The following NLGN1 variants were observed in gnomAD, a reference collection of about 807,000 sequenced individuals.
NLGN1 encodes neuroligin 1.
In NLGN1, 12 loss-of-function variants were observed where a neutral mutation model predicts 65.5. The observed-to-expected ratio is 0.18, with a 90% CI of 0.12 to 0.30. NLGN1 has a LOEUF of 0.30. Ranked by LOEUF, NLGN1 falls within the 10% of genes least tolerant of loss-of-function variation. The pLI is 1.00. For synonymous variants in NLGN1, 350 were observed against 359.5 expected (o/e 0.97, Z 0.30); for missense variants, 750 against 1,007.1 (o/e 0.74, Z 3.46).
chr3:173,953,698 G>A (rs1308155069), intron 4 of NLGN1, among the ~76,000 whole-genome samples: 1 of 152,042 alleles, frequency 6.6e-6, no homozygotes, highest in Admixed American at 6.6e-5. Flanking sequence ...GGGACTACAG[G>A]CATGCACCAC....
intron 3 of NLGN1, among the ~76,000 whole-genome samples, chr3:173,719,796 G>A (rs1394119107): frequency 1.4e-4 from 22 of 152,056 alleles, no homozygotes; most frequent in Non-Finnish European, 5.9e-5. Flanking sequence ...CAAACTGGCT[G>A]TAGATTTTGA....
intron 2 of NLGN1, among the ~76,000 whole-genome samples, chr3:173,493,079 T>A (rs1352706192): frequency 6.6e-6 from 1 of 151,852 alleles, no homozygotes; most frequent in Non-Finnish European, 1.5e-5. Context: ...TTATACATCA[T>A]ACTTTGGATT....
chr3:173,992,813 CAG>C (rs1301958770), intron 4 of NLGN1, among the ~76,000 whole-genome samples: 2 of 152,174 alleles, frequency 1.3e-5, no homozygotes, highest in Admixed American at 1.3e-4. Context: ...ATATTTATTA[CAG>C]ACTCTTATGC....
intron 4 of NLGN1, among the ~76,000 whole-genome samples, chr3:174,084,474 G>A (rs1742875345): frequency 6.6e-6 from 1 of 151,940 alleles, no homozygotes; most frequent in Non-Finnish European, 1.5e-5. Flanking sequence ...TGAAAAATGA[G>A]GAAGAAAAAT....
At chr3:173,894,622 T>G (rs1362710593) in intron 4 of NLGN1, among the ~76,000 whole-genome samples, 1 of 138,470 alleles carries the variant, frequency 7.2e-6, no homozygotes, top group Admixed American at 7.5e-5. Flanking sequence ...TCTTTTCTTT[T>G]TTTTCTTTTT....
intron 2 of NLGN1, among the ~76,000 whole-genome samples, chr3:173,467,905 A>G (rs908060688): frequency 6.6e-5 from 10 of 152,140 alleles, no homozygotes; most frequent in African/African-American, 2.4e-4. Context: ...GACCACAGGC[A>G]ATCTAAGGCA....
Position 173,580,002 on chromosome 3 carries a change from G to A in NLGN1, c.-320-24277G>A, listed in dbSNP as rs377750998. On this transcript the variant is annotated intron_variant, in intron 2 of 6. Coordinates refer to ENST00000457714, the Ensembl canonical transcript of NLGN1. ...GTTTATGGGGTACATGAAATATTTC[G>A]GTTATTTCTTCTTTTTCAGACACTG... Among the ~76,000 whole-genome samples, 14 of 151,830 alleles carry A rather than the reference G, an allele frequency of 9.2e-5. No homozygotes were observed. In the East Asian group the frequency reaches 9.7e-4, roughly 10 times the overall value.
chr3:173,959,855 T>C (rs1198906388), intron 4 of NLGN1, among the ~76,000 whole-genome samples: 1 of 152,170 alleles, frequency 6.6e-6, no homozygotes, highest in Non-Finnish European at 1.5e-5. Context: ...TGGAAAACTT[T>C]AAGGAAATTG....
intron 3 of NLGN1, among the ~76,000 whole-genome samples, chr3:173,621,879 G>T (rs1248406349): frequency 6.6e-6 from 1 of 151,988 alleles, no homozygotes; most frequent in Non-Finnish European, 1.5e-5. Context: ...AATTGATCAT[G>T]GGAATGAATT....
At chr3:174,026,227 A>G (rs1728801263) in intron 4 of NLGN1, among the ~76,000 whole-genome samples, 1 of 152,136 alleles carries the variant, frequency 6.6e-6, no homozygotes, top group African/African-American at 2.4e-5. Flanking sequence ...CATGGGCTCA[A>G]GCGATCCTTC....
In NLGN1 at chr3:174,232,016, CTG is replaced by C. The variant is rs772324180; in HGVS notation, c.647-43296_647-43295del. On this transcript the variant is annotated intron_variant, in intron 4 of 6. Transcript: ENST00000457714. The stretch of plus-strand genomic sequence containing the variant: ...CCGGAATAATGAAGGAGCCAAGAAA[CTG>C]TGGGAGCTTTCATGCGCGTCTGTGT... Among the ~76,000 whole-genome samples the C allele has an allele frequency of 1.2e-4, 18 of 152,178 alleles. No individual in the cohort carries two copies. In the South Asian group the frequency reaches 3.3e-3, roughly 28 times the overall value.
chr3:174,120,254 G>A (rs1008255596), intron 4 of NLGN1, among the ~76,000 whole-genome samples: 19 of 152,056 alleles, frequency 1.2e-4, no homozygotes, highest in African/African-American at 4.1e-4. Context: ...TTGGGAGGCC[G>A]AGGCAGGCAG....
Position 174,280,991 on chromosome 3 carries a change from T to C in NLGN1, c.2160T>C (p.Asn720=). Reference sequence around the variant, plus strand: ...GCAGCCCTCAGCGCACTACTACCAATGATCTAACCCATGCACAAGAAGAGG... The same window carrying C: ...GCAGCCCTCAGCGCACTACTACCAACGATCTAACCCATGCACAAGAAGAGG... Residue 720 remains asparagine (N), a synonymous_variant, in exon 7 of 7, where the codon AAT becomes AAC. Transcript: ENST00000457714. This position sits in a 1 kb window ranked among gnomAD's most constrained non-coding sequence, Gnocchi z 4.9. 6.2e-7 allele frequency: 1 copy of C among 1,613,332 alleles called. No individual in the cohort carries two copies. The highest frequency in any genetic ancestry group is 8.5e-7 in the Non-Finnish European group (1 of 1,179,574).
At chr3:174,051,294 T>C (rs1005233872) in intron 4 of NLGN1, among the ~76,000 whole-genome samples, 3 of 152,062 alleles carry the variant, frequency 2.0e-5, no homozygotes, top group Admixed American at 2.0e-4. Flanking sequence ...GTAGGTTCAA[T>C]TTCATAGTCC....
chr3:173,505,143 C>A (rs945179870), intron 2 of NLGN1, among the ~76,000 whole-genome samples: 1 of 152,020 alleles, frequency 6.6e-6, no homozygotes, highest in Non-Finnish European at 1.5e-5. Context: ...TCAACCATTG[C>A]TTGAGTCAGG....
intron 4 of NLGN1, among the ~76,000 whole-genome samples, chr3:174,245,395 C>A (rs939935074): frequency 3.9e-5 from 6 of 152,094 alleles, no homozygotes; most frequent in Non-Finnish European, 5.9e-5. Context: ...TACTGTGTAT[C>A]CTACTTTACC....
At chr3:174,289,943 GTATATATATGTGTA>G (rs1553995070), downstream of NLGN1, among the ~76,000 whole-genome samples, 4 of 69,952 alleles carry the variant, frequency 5.7e-5, no homozygotes, top group Admixed American at 1.4e-4. Flanking sequence ...ATATATGTAT[GTATATATATGTGTA>G]TATATATATA....
chr3:174,041,178 AT>A (rs538312682), intron 4 of NLGN1, among the ~76,000 whole-genome samples: 106 of 152,018 alleles, frequency 7.0e-4, no homozygotes, highest in African/African-American at 2.4e-3. Context: ...CACTGTGTGG[AT>A]TTTTTTTAAA....
In NLGN1 at chr3:173,973,916, A is replaced by G. The variant is rs541735287; in HGVS notation, c.646+166084A>G. ...CTGAAAATATGTAATAAAATACCCT[A>G]ATGACTACACCTTGAGAACTAAACC... On this transcript the variant is annotated intron_variant, in intron 4 of 6. Transcript: ENST00000457714. Among the ~76,000 whole-genome samples the G allele has an allele frequency of 4.6e-5, 7 of 152,110 alleles. No homozygotes were observed. In the East Asian group the frequency reaches 1.4e-3, roughly 29 times the overall value.
Sources: gnomAD v4.1 joint callset for allele counts (sites outside exome capture counted in the v4.1 genomes callset) on GRCh38, gnomAD v4.1.1 for gene constraint, Gnocchi (gnomAD v3.1) non-coding constraint, MANE v1.5 for transcripts, NCBI Gene and HGNC (gene_info 2026-07-23, HGNC 2026-07-21) for gene names.